The following EML5 variants were observed in gnomAD, a reference collection of about 807,000 sequenced individuals.
EML5 encodes echinoderm microtubule-associated protein-like 5.
Under a neutral mutation model 250.0 loss-of-function variants are expected in EML5, and 120 were observed. The ratio of observed to expected loss-of-function variants is 0.48; its 90% CI spans 0.41 to 0.56. EML5 has a LOEUF of 0.56. EML5 is among the 20% of genes least tolerant of loss of function. The probability of loss-of-function intolerance (pLI) is 0.00; values close to 1 mark genes in which losing one functional copy is unlikely to be tolerated. For missense variants in EML5, 2,006 were observed against 2,437.6 expected (o/e 0.82, Z 3.73); for synonymous variants, 771 against 806.5 (o/e 0.96, Z 0.75).
intron 19 of EML5, among the ~76,000 whole-genome samples, chr14:88,685,919 T>C (rs902964375): frequency 6.6e-6 from 1 of 152,196 alleles, no homozygotes; most frequent in African/African-American, 2.4e-5. Flanking sequence ...TCTGAGGATA[T>C]GGAACCCACA....
intron 42 of EML5, 31 bp from the exon 43 acceptor site, chr14:88,616,273 A>G (rs989632826): frequency 6.2e-7 from 1 of 1,601,578 alleles, no homozygotes; most frequent in African/African-American, 1.3e-5. Flanking sequence ...AGCTCAGGGC[A>G]TTTGGTGCAC....
chr14:88,782,473 A>G (rs2140793825), intron 1 of EML5, among the ~76,000 whole-genome samples: 1 of 152,326 alleles, frequency 6.6e-6, no homozygotes, highest in East Asian at 1.9e-4. Flanking sequence ...AAAGACAAAG[A>G]GGAAAACGTC....
At chr14:88,717,680 G>A (rs1264794756) in intron 8 of EML5, among the ~76,000 whole-genome samples, 3 of 152,084 alleles carry the variant, frequency 2.0e-5, no homozygotes, top group Non-Finnish European at 2.9e-5. Context: ...ACTTGAACTC[G>A]GGAGGCAGAG....
chr14:88,739,506 T>C (rs920945458), intron 5 of EML5, among the ~76,000 whole-genome samples: 3 of 152,142 alleles, frequency 2.0e-5, no homozygotes, highest in Non-Finnish European at 2.9e-5. Flanking sequence ...TTAATTCCTA[T>C]ACCACATGTA....
intron 1 of EML5, among the ~76,000 whole-genome samples, chr14:88,766,205 A>G (rs1194698468): frequency 6.6e-6 from 1 of 152,192 alleles, no homozygotes; most frequent in East Asian, 1.9e-4. Context: ...AAATCTGGGC[A>G]CCTTGAAAAA....
intron 13 of EML5, 81 bp from the exon 14 acceptor site, chr14:88,702,713 A>ACC (rs1170718212): frequency 1.0e-6 from 1 of 993,822 alleles, no homozygotes; most frequent in Non-Finnish European, 1.4e-6. Context: ...AGAAGTAGGT[A>ACC]CCCTTTGGGT....
At chr14:88,744,167 G>T in intron 3 of EML5, 76 bp from the exon 4 acceptor site, 1 of 929,158 alleles carries the variant, frequency 1.1e-6, no homozygotes, top group South Asian at 2.0e-5. Context: ...AAGACCAAAT[G>T]GCCCAAACTC....
chr14:88,726,060 C>A (rs577441923), intron 8 of EML5, among the ~76,000 whole-genome samples: 9 of 152,134 alleles, frequency 5.9e-5, no homozygotes, highest in Non-Finnish European at 1.2e-4. Flanking sequence ...TAATTCAACA[C>A]AAAATGTTAA....
intron 2 of EML5, among the ~76,000 whole-genome samples, chr14:88,752,552 A>G (rs2094111724): frequency 6.6e-6 from 1 of 152,084 alleles, no homozygotes; most frequent in Non-Finnish European, 1.5e-5. Context: ...CAAATAAGAG[A>G]TTCCAATTAA....
intron 1 of EML5, among the ~76,000 whole-genome samples, chr14:88,779,754 G>C (rs369549239): frequency 6.6e-6 from 1 of 152,142 alleles, no homozygotes; most frequent in East Asian, 1.9e-4. Context: ...TTTAAGACCA[G>C]AGTCTGGGAC....
intron 15 of EML5, 45 bp from the exon 16 acceptor site, chr14:88,695,499 G>A: frequency 6.6e-7 from 1 of 1,516,634 alleles, no homozygotes; most frequent in Non-Finnish European, 9.0e-7. Context: ...TTAACATTCA[G>A]AAGAGAGAAA....
chr14:88,675,743 T>C (rs528338612), intron 21 of EML5, among the ~76,000 whole-genome samples: 6 of 152,218 alleles, frequency 3.9e-5, no homozygotes, highest in South Asian at 4.1e-4. Flanking sequence ...TTTCCTGAAC[T>C]TTTATGCTCT....
At chr14:88,634,326 C>T in intron 33 of EML5, 143 bp downstream of exon 33, 5 of 539,892 alleles carry the variant, frequency 9.3e-6, no homozygotes, top group Non-Finnish European at 1.6e-5. Context: ...GAGCTGTGAG[C>T]CAATTAAACA....
chr14:88,635,357 T>C (rs1160462153), intron 32 of EML5, among the ~76,000 whole-genome samples: 1 of 152,202 alleles, frequency 6.6e-6, no homozygotes, highest in Non-Finnish European at 1.5e-5. Context: ...CATTTTTAGT[T>C]ATGAATATGC....
intron 8 of EML5, among the ~76,000 whole-genome samples, chr14:88,716,992 C>G (rs778292654): frequency 1.3e-5 from 2 of 152,072 alleles, no homozygotes; most frequent in African/African-American, 4.8e-5. Flanking sequence ...TTTTAAGAAG[C>G]AGAAGGAGGC....
intron 1 of EML5, among the ~76,000 whole-genome samples, chr14:88,790,849 T>G (rs1212271617): frequency 6.6e-6 from 1 of 152,176 alleles, no homozygotes; most frequent in East Asian, 1.9e-4. Context: ...CGGGTTTACT[T>G]TAGTTTTGTT....
intron 24 of EML5, 27 bp from the exon 25 acceptor site, chr14:88,661,857 T>C: frequency 6.3e-7 from 1 of 1,595,642 alleles, no homozygotes; most frequent in African/African-American, 1.3e-5. Flanking sequence ...ATGCTGTAAG[T>C]TTGGATTATC....
intron 27 of EML5, 28 bp from the exon 28 acceptor site, chr14:88,649,954 T>C (rs1407481485): frequency 1.4e-6 from 2 of 1,451,956 alleles, no homozygotes; most frequent in African/African-American, 1.4e-5. Flanking sequence ...GGGAAAAAAG[T>C]AGGAAAACAT....
At position 88,792,178 on chromosome 14, in the gene EML5, G is replaced by C; in HGVS notation, c.197+129C>G. ...GTTAACTGGTGGACTCGGGACCAGA[G>C]AGACAGCTGCGGATTCCCCTCGGGG... On this transcript the variant is annotated intron_variant, in intron 1 of 43. Coordinates refer to ENST00000554922, the MANE Select transcript of EML5 (RefSeq NM_183387.3). The surrounding 1 kb of genome is among the most constrained non-coding windows in gnomAD (Gnocchi z 6.9). 1.8e-6 allele frequency: 2 copies of C among 1,130,682 alleles called. No individual in the cohort carries two copies. The highest frequency in any genetic ancestry group is 2.5e-6 in the Non-Finnish European group (2 of 814,494). The allele number at this position is 1,130,682 out of a possible 1,614,324, so 70.0% of individuals were successfully genotyped here. A position where few individuals can be genotyped will look rare whatever the true frequency, so the allele number is the denominator to read the frequency against.
Sources: allele counts gnomAD v4.1 joint callset (sites outside exome capture counted in the v4.1 genomes callset), GRCh38; gene constraint gnomAD v4.1.1; non-coding constraint Gnocchi (gnomAD v3.1); transcripts MANE v1.5; gene names NCBI Gene and HGNC (gene_info 2026-07-23, HGNC 2026-07-21).